Variants in GALNT13 observed in about 807,000 individuals in gnomAD.
GALNT13 encodes polypeptide N-acetylgalactosaminyltransferase 13.
In GALNT13, 28 loss-of-function variants were observed where a neutral mutation model predicts 64.2. That is an observed-to-expected ratio of 0.44 (90% CI 0.32 to 0.60). The LOEUF (loss-of-function observed/expected upper bound fraction) is 0.60. Among genes scored for constraint, GALNT13 ranks in the 20% least tolerant of loss-of-function variants. The pLI is 0.05. For missense variants in GALNT13, 577 were observed against 669.8 expected (o/e 0.86, Z 1.53); for synonymous variants, 214 against 224.6 (o/e 0.95, Z 0.42).
chr2:153,134,684 C>T, the GALNT13 span, among the ~76,000 whole-genome samples: 523 of 152,220 alleles, frequency 3.4e-3, 2 homozygotes, highest in African/African-American at 0.012. Flanking sequence ...CGCCCAAGCC[C>T]AAACCCACAC....
intron 3 of GALNT13, among the ~76,000 whole-genome samples, chr2:154,024,761 G>A (rs895875346): frequency 6.6e-6 from 1 of 152,142 alleles, no homozygotes; most frequent in Non-Finnish European, 1.5e-5. Context: ...TGGAGGAGGA[G>A]AGGCACTCTG....
At chr2:153,609,614 A>G in the GALNT13 span, among the ~76,000 whole-genome samples, 4 of 152,118 alleles carry the variant, frequency 2.6e-5, no homozygotes, top group African/African-American at 7.2e-5. Flanking sequence ...TTTGTTTCTC[A>G]TTTAAACCAC....
intron 3 of GALNT13, among the ~76,000 whole-genome samples, chr2:154,050,229 T>A (rs1834195): frequency 0.047 from 7,126 of 152,194 alleles, 219 homozygotes; most frequent in South Asian, 0.11. Flanking sequence ...TTCATAATAG[T>A]GAGGTGATGT....
the GALNT13 span, among the ~76,000 whole-genome samples, chr2:153,283,134 C>A: frequency 6.6e-6 from 1 of 152,252 alleles, no homozygotes; most frequent in Admixed American, 6.5e-5. Flanking sequence ...TGCTCAGCCC[C>A]AGGGAGACAA....
At chr2:154,434,146 G>C (rs996957229) in intron 11 of GALNT13, among the ~76,000 whole-genome samples, 9 of 152,166 alleles carry the variant, frequency 5.9e-5, no homozygotes, top group African/African-American at 2.2e-4. Context: ...AACCTGTCAG[G>C]AAATAAATTT....
At chr2:153,467,968 G>C in the GALNT13 span, among the ~76,000 whole-genome samples, 1 of 152,134 alleles carries the variant, frequency 6.6e-6, no homozygotes, top group East Asian at 1.9e-4. Context: ...AAAGTCAGAA[G>C]AGTTTATAGA....
chr2:153,772,677 C>CT, the GALNT13 span, among the ~76,000 whole-genome samples: 22 of 152,292 alleles, frequency 1.4e-4, no homozygotes, highest in Admixed American at 1.1e-3. Context: ...GTTTTATTAG[C>CT]TTTTTTTGGA....
intron 3 of GALNT13, among the ~76,000 whole-genome samples, chr2:154,116,093 C>A (rs544281128): frequency 6.6e-6 from 1 of 152,162 alleles, no homozygotes; most frequent in South Asian, 2.1e-4. Flanking sequence ...TTGCCTCAGG[C>A]AGAACAGGGT....
At chr2:153,810,127 A>T in the GALNT13 span, among the ~76,000 whole-genome samples, 1 of 151,738 alleles carries the variant, frequency 6.6e-6, no homozygotes. Context: ...CGCCCAGCTA[A>T]TTTTTTTGTA....
intron 1 of GALNT13, among the ~76,000 whole-genome samples, chr2:153,894,641 GTTTGC>G (rs1447212941): frequency 1.3e-5 from 2 of 152,068 alleles, no homozygotes; most frequent in Non-Finnish European, 2.9e-5. Flanking sequence ...AGATTAATCA[GTTTGC>G]TTTGATATTT....
At chr2:154,389,270 G>A (rs559519832) in intron 9 of GALNT13, among the ~76,000 whole-genome samples, 1 of 152,088 alleles carries the variant, frequency 6.6e-6, no homozygotes, top group East Asian at 1.9e-4. Flanking sequence ...CAAGTAGCTG[G>A]GATTACAGGC....
chr2:154,390,477 G>T (rs1424890346), intron 9 of GALNT13, among the ~76,000 whole-genome samples: 1 of 152,140 alleles, frequency 6.6e-6, no homozygotes, highest in Non-Finnish European at 1.5e-5. Flanking sequence ...AGAGCACGTG[G>T]TATGTGGTTT....
chr2:153,773,800 C>T, the GALNT13 span, among the ~76,000 whole-genome samples: 8 of 152,186 alleles, frequency 5.3e-5, no homozygotes, highest in Non-Finnish European at 1.2e-4. Context: ...CCTCAACTTA[C>T]ATCTAACTCA....
the GALNT13 span, among the ~76,000 whole-genome samples, chr2:153,785,077 A>C: frequency 6.6e-6 from 1 of 152,104 alleles, no homozygotes; most frequent in Non-Finnish European, 1.5e-5. Context: ...GCAGTTCCAA[A>C]CCACCTTGGA....
At chr2:153,512,870 G>C in the GALNT13 span, among the ~76,000 whole-genome samples, 7 of 152,224 alleles carry the variant, frequency 4.6e-5, no homozygotes, top group African/African-American at 1.7e-4. Context: ...CTGCCCAGCT[G>C]AGTTTATTCC....
the GALNT13 span, among the ~76,000 whole-genome samples, chr2:153,168,876 T>C: frequency 6.6e-6 from 1 of 152,212 alleles, no homozygotes; most frequent in Admixed American, 6.5e-5. Flanking sequence ...AGTTGGTTTT[T>C]TCCTGTGCTT....
At chr2:154,380,917 G>A (rs771791638) in intron 9 of GALNT13, among the ~76,000 whole-genome samples, 1 of 151,960 alleles carries the variant, frequency 6.6e-6, no homozygotes, top group Non-Finnish European at 1.5e-5. Flanking sequence ...TTGTCTGTTT[G>A]CCAGCATTTT....
At chr2:154,426,675 C>T (rs745503905) in intron 11 of GALNT13, among the ~76,000 whole-genome samples, 3 of 152,158 alleles carry the variant, frequency 2.0e-5, no homozygotes, top group Non-Finnish European at 4.4e-5. Context: ...TGTAGACTTC[C>T]TTTAAAACCC....
the GALNT13 span, among the ~76,000 whole-genome samples, chr2:153,450,364 A>T: frequency 6.6e-6 from 1 of 152,112 alleles, no homozygotes; most frequent in African/African-American, 2.4e-5. Flanking sequence ...AGTTTTTGTT[A>T]TAAATATTTT....
Sources: gnomAD v4.1 joint callset for allele counts (sites outside exome capture counted in the v4.1 genomes callset) on GRCh38, gnomAD v4.1.1 for gene constraint, MANE v1.5 for transcripts, NCBI Gene and HGNC (gene_info 2026-07-23, HGNC 2026-07-21) for gene names.